Variants in MYO7A observed in about 807,000 individuals in gnomAD.
The protein encoded by MYO7A is unconventional myosin-VIIa.
MYO7A carries 210 observed loss-of-function variants against 263.8 expected under a neutral mutation model. That is an observed-to-expected ratio of 0.80 (90% CI 0.71 to 0.89). MYO7A has a LOEUF of 0.89. Among genes scored for constraint, MYO7A ranks in the 40% least tolerant of loss-of-function variants. The pLI is 0.00. For missense variants in MYO7A, 2,820 were observed against 2,968.3 expected (o/e 0.95, Z 1.16); for synonymous variants, 1,239 against 1,197.3 (o/e 1.03, Z -0.72).
intron 10 of MYO7A, 123 bp from the exon 11 acceptor site, chr11:77,160,040 G>T: frequency 7.1e-7 from 1 of 1,405,564 alleles, no homozygotes; most frequent in South Asian, 1.5e-5. Context: ...GGGCCCTGGG[G>T]CAGGCGTGCT....
At chr11:77,171,344 C>G (rs995484182) in intron 15 of MYO7A, among the ~76,000 whole-genome samples, 1 of 152,142 alleles carries the variant, frequency 6.6e-6, no homozygotes. Flanking sequence ...CTCCAGTGAC[C>G]GGGGTCACCC....
Position 77,194,516 on chromosome 11 carries a change from C to T in MYO7A, c.4315C>T (p.His1439Tyr). ...EKWAQLAIAA[H>Y]KKGIYAQRRT... ...GTGGGCCCAGCTGGCCATCGCCGCC[C>T]ACAAGAAGGTAGAAGGGCTGAGAGG... is the stretch of plus-strand genomic sequence containing the variant. Residue 1439 changes from histidine (H) to tyrosine (Y), a missense_variant, in exon 32 of 49, where the codon CAC becomes TAC. By Grantham distance (83) the His-to-Tyr change is moderately conservative (BLOSUM62 2). Coordinates refer to ENST00000409709, the MANE Select transcript of MYO7A (RefSeq NM_000260.4). 1 of 1,598,616 alleles carries T rather than the reference C, an allele frequency of 6.3e-7. No individual in the cohort carries two copies. The highest frequency in any genetic ancestry group is 1.3e-5 in the African/African-American group (1 of 74,698).
intron 41 of MYO7A, among the ~76,000 whole-genome samples, chr11:77,206,465 C>A (rs1957452807): frequency 6.6e-6 from 1 of 152,230 alleles, no homozygotes; most frequent in African/African-American, 2.4e-5. Flanking sequence ...GGAGGACTTG[C>A]CTTGGAGAAA....
intron 18 of MYO7A, among the ~76,000 whole-genome samples, chr11:77,176,945 T>C (rs567985610): frequency 9.2e-5 from 14 of 152,090 alleles, no homozygotes; most frequent in African/African-American, 3.4e-4. Context: ...GGGTCTTGGA[T>C]GAGGAGGAGA....
chr11:77,195,476 C>T (rs2135631839), intron 32 of MYO7A, among the ~76,000 whole-genome samples: 1 of 152,374 alleles, frequency 6.6e-6, no homozygotes, highest in South Asian at 2.1e-4. Flanking sequence ...CAGCCTCCAC[C>T]CCCACCTCCC....
chr11:77,187,288 A>G (rs1312836314), intron 27 of MYO7A, among the ~76,000 whole-genome samples: 6 of 152,224 alleles, frequency 3.9e-5, no homozygotes, highest in Non-Finnish European at 8.8e-5. Flanking sequence ...TGCTCCATGC[A>G]GAGTCGTCAT....
At chr11:77,181,792 T>G (rs557042340) in intron 23 of MYO7A, among the ~76,000 whole-genome samples, 159 bp from the exon 24 acceptor site, 117 of 148,842 alleles carry the variant, frequency 7.9e-4, no homozygotes, top group African/African-American at 2.2e-3. Flanking sequence ...TTTTTTTTTT[T>G]TTTTTTTTTT....
chr11:77,169,601 G>GGAC (rs1308435287), intron 15 of MYO7A, among the ~76,000 whole-genome samples: 96 of 152,250 alleles, frequency 6.3e-4, no homozygotes, highest in African/African-American at 2.2e-3. Flanking sequence ...ATACCAGGAA[G>GGAC]GACAGCCTTT....
chr11:77,200,270 TAAA>T (rs796169706), intron 35 of MYO7A, among the ~76,000 whole-genome samples: 1 of 142,544 alleles, frequency 7.0e-6, no homozygotes. Context: ...CCTCCTCTCT[TAAA>T]AAAAAAAAAG....
chr11:77,171,282 C>T (rs1954065019), intron 15 of MYO7A, among the ~76,000 whole-genome samples: 1 of 152,074 alleles, frequency 6.6e-6, no homozygotes, highest in Non-Finnish European at 1.5e-5. Context: ...TGCGTGTACT[C>T]ATGTCAGGGG....
chr11:77,193,012 G>C (rs145725927), intron 31 of MYO7A, among the ~76,000 whole-genome samples: 49 of 89,940 alleles, frequency 5.4e-4, no homozygotes, highest in East Asian at 1.1e-3. Flanking sequence ...TGTTGGTGAT[G>C]GTGGAGGTAG....
At chr11:77,205,726 C>G in intron 40 of MYO7A, 109 bp downstream of exon 40, 1 of 1,432,940 alleles carries the variant, frequency 7.0e-7, no homozygotes, top group Non-Finnish European at 9.4e-7. Flanking sequence ...GTTGGGCCCA[C>G]CCCTGGGGTA....
chr11:77,161,665 G>A (rs886121917), intron 12 of MYO7A, among the ~76,000 whole-genome samples: 9 of 152,158 alleles, frequency 5.9e-5, no homozygotes, highest in African/African-American at 2.2e-4. Flanking sequence ...GGCTGTGTCC[G>A]TGGCTCGGCC....
chr11:77,194,471 C>A lies in MYO7A; in HGVS notation c.4270C>A (p.Pro1424Thr). The A allele has an allele frequency of 6.2e-7, 1 of 1,609,148 alleles. No homozygotes were observed. The highest frequency in any genetic ancestry group is 1.7e-5 in the Admixed American group (1 of 59,456). The change falls in exon 32 of 49, where the codon CCC (proline) becomes ACC (threonine). Residue 1424 changes from proline (P) to threonine (T), a missense_variant. Transcript: ENST00000409709. The stretch of plus-strand genomic sequence containing the variant: ...CTACATCCCCGACCGCGAGATCACG[C>A]CCCTGAAGACGCTGGAGAAGTGGGC... The part of the protein sequence containing the change: ...PTYIPDREIT[P>T]LKTLEKWAQL...
At chr11:77,158,230 G>A in intron 8 of MYO7A, 47 bp from the exon 9 acceptor site, 2 of 1,526,522 alleles carry the variant, frequency 1.3e-6, no homozygotes, top group Non-Finnish European at 1.8e-6. Context: ...CCCTCTGGGG[G>A]TACACTGACG....
At chr11:77,173,010 C>CCCATT in intron 16 of MYO7A, 125 bp downstream of exon 16, 1 of 1,348,666 alleles carries the variant, frequency 7.4e-7, no homozygotes, top group Non-Finnish European at 9.9e-7. Context: ...TGGGGGGCAC[C>CCCATT]CCGGGAGCTT....
At chr11:77,180,299 G>T in intron 21 of MYO7A, 75 bp from the exon 22 acceptor site, 1 of 1,293,956 alleles carries the variant, frequency 7.7e-7, no homozygotes, top group East Asian at 2.5e-5. Flanking sequence ...AGAGTTGGGT[G>T]GGTGGAGCTG....
intron 13 of MYO7A, 46 bp from the exon 14 acceptor site, chr11:77,162,807 C>T: frequency 6.3e-7 from 1 of 1,593,104 alleles, no homozygotes; most frequent in Non-Finnish European, 8.6e-7. Context: ...GGGAGTGGGG[C>T]CCATGGAGGA....
At chr11:77,194,727 C>T (rs903108905) in intron 32 of MYO7A, among the ~76,000 whole-genome samples, 4 of 152,232 alleles carry the variant, frequency 2.6e-5, no homozygotes, top group African/African-American at 7.2e-5. Context: ...CTTAACCTTG[C>T]AGCCTCTGTG....
Sources: gnomAD v4.1 joint callset for allele counts (sites outside exome capture counted in the v4.1 genomes callset) on GRCh38, gnomAD v4.1.1 for gene constraint, MANE v1.5 for transcripts, NCBI Gene and HGNC (gene_info 2026-07-23, HGNC 2026-07-21) for gene names.